HEATR3: variants seen among roughly 807,000 people sequenced by gnomAD.
HEATR3 encodes the protein HEAT repeat containing 3.
Under a neutral mutation model 72.8 loss-of-function variants are expected in HEATR3, and 56 were observed. The ratio of observed to expected loss-of-function variants is 0.77; its 90% CI spans 0.62 to 0.96. HEATR3 has a LOEUF of 0.96. Among genes scored for constraint, HEATR3 ranks in the 40% least tolerant of loss-of-function variants. The pLI, the probability that HEATR3 is intolerant of heterozygous loss-of-function variation, is 0.00. For synonymous variants in HEATR3, 331 were observed against 318.1 expected (o/e 1.04, Z -0.43); for missense variants, 747 against 831.4 (o/e 0.90, Z 1.25).
Position 50,068,886 on chromosome 16 carries a change from A to G in HEATR3, c.399+19A>G, listed in dbSNP as rs766885426. The G allele has an allele frequency of 6.3e-7, 1 of 1,577,510 alleles. No homozygotes were observed. Among genetic ancestry groups the G allele is most frequent in the Non-Finnish European group, 8.7e-7 (1 of 1,150,730 alleles). On this transcript the variant is annotated intron_variant, in intron 3 of 14. Coordinates refer to ENST00000299192, the MANE Select transcript of HEATR3 (RefSeq NM_182922.4). The stretch of plus-strand genomic sequence containing the variant: ...AAAAGAGGTATGCAGTTTTTACAGT[A>G]TCTTGATGGTAGCTTTTGGGATGCA...
At chr16:50,082,757 C>CAAA (rs60241022) in intron 7 of HEATR3, among the ~76,000 whole-genome samples, 1 of 72,982 alleles carries the variant, frequency 1.4e-5, no homozygotes, top group African/African-American at 3.6e-5. Context: ...CCCCATCTCT[C>CAAA]AAAAAAAAAA....
intron 13 of HEATR3, chr16:50,100,736 A>G (rs1400568320): frequency 4.1e-6 from 1 of 243,564 alleles, no homozygotes; most frequent in East Asian, 1.5e-4. Flanking sequence ...TGAACAATCC[A>G]CACCATTTTC....
intron 13 of HEATR3, among the ~76,000 whole-genome samples, chr16:50,101,826 C>T (rs1028983611): frequency 4.6e-5 from 7 of 152,196 alleles, no homozygotes; most frequent in African/African-American, 1.4e-4. Flanking sequence ...GCGACCCTCC[C>T]GCCTTAGCCT....
chr16:50,076,993 G>T (rs908754269), intron 6 of HEATR3, among the ~76,000 whole-genome samples: 34 of 147,772 alleles, frequency 2.3e-4, no homozygotes, highest in Admixed American at 6.1e-4. Flanking sequence ...TCAGCCTCCC[G>T]AGTAGCTGGG....
At position 50,066,361 on chromosome 16, in the gene HEATR3, C is replaced by G. The variant is rs771031053; in HGVS notation, c.139-6C>G. On this transcript the variant is annotated splice_polypyrimidine_tract_variant and splice_region_variant and intron_variant, in intron 1 of 14. Coordinates refer to ENST00000299192, the MANE Select transcript of HEATR3 (RefSeq NM_182922.4). ...GCCTTCTGACCCTTTTCGCTCTCATCCGCAGCTCCAGCACCCGAGCGCCGA... is the reference window on the plus strand; with the variant it reads ...GCCTTCTGACCCTTTTCGCTCTCATGCGCAGCTCCAGCACCCGAGCGCCGA... The G allele has an allele frequency of 2.1e-5, 33 of 1,554,848 alleles. No individual in the cohort carries two copies. The highest frequency in any genetic ancestry group is 2.7e-5 in the Non-Finnish European group (31 of 1,161,008).
intron 11 of HEATR3, among the ~76,000 whole-genome samples, chr16:50,094,305 G>A (rs1316653594): frequency 6.6e-6 from 1 of 152,226 alleles, no homozygotes; most frequent in African/African-American, 2.4e-5. Context: ...GGCTTGGGTT[G>A]GCAAGGAAGC....
At chr16:50,084,886 A>C (rs1284425058) in intron 10 of HEATR3, among the ~76,000 whole-genome samples, 2 of 152,176 alleles carry the variant, frequency 1.3e-5, no homozygotes, top group East Asian at 3.8e-4. Flanking sequence ...TCAGAGTTAG[A>C]ATGGTAAATA....
In HEATR3 at chr16:50,084,631, T is replaced by G. The variant is rs768544089; in HGVS notation, c.1353T>G (p.Thr451=). 2 of 1,608,476 alleles carry G rather than the reference T, an allele frequency of 1.2e-6. No homozygotes were observed. The highest frequency in any genetic ancestry group is 1.7e-6 in the Non-Finnish European group (2 of 1,176,182). Residue 451 remains threonine (T), a synonymous_variant, in exon 10 of 15, where the codon ACT becomes ACG. Transcript: ENST00000299192. ...IAVDLCSRNP[T]WKPLIRKMNT... is the part of the protein sequence containing the mutation. ...TTGACCTATGTTCTAGGAACCCTAC[T>G]TGGAAACCTTTGATTAGAAAGTAAG...
chr16:50,101,467 G>C (rs1014059802), intron 13 of HEATR3, among the ~76,000 whole-genome samples: 3 of 152,104 alleles, frequency 2.0e-5, no homozygotes, highest in Non-Finnish European at 4.4e-5. Context: ...TAATTTTACA[G>C]TTGCCTCAAA....
At chr16:50,072,951 A>G (rs1052531122) in intron 5 of HEATR3, 3 of 429,318 alleles carry the variant, frequency 7.0e-6, no homozygotes, top group African/African-American at 4.1e-5. Context: ...ATGTGAGGAT[A>G]TGTGGTTTCT....
chr16:50,096,229 G>T (rs2037231944), intron 12 of HEATR3, among the ~76,000 whole-genome samples: 1 of 149,186 alleles, frequency 6.7e-6, no homozygotes, highest in Admixed American at 6.8e-5. Context: ...GGAGGCTGTG[G>T]CAGGAGAATC....
intron 12 of HEATR3, among the ~76,000 whole-genome samples, chr16:50,099,786 A>G (rs2037325980): frequency 6.6e-6 from 1 of 152,244 alleles, no homozygotes; most frequent in Non-Finnish European, 1.5e-5. Flanking sequence ...GCACCATATA[A>G]TGTAATGGTT....
At chr16:50,067,956 AAG>A (rs1159920613) in intron 2 of HEATR3, among the ~76,000 whole-genome samples, 4 of 152,312 alleles carry the variant, frequency 2.6e-5, no homozygotes, top group East Asian at 3.9e-4. Context: ...AGGGTGCTAA[AAG>A]AGGGTACAAA....
Position 50,105,075 on chromosome 16 carries a change from G to C in HEATR3, c.*14G>C. On this transcript the variant is annotated 3_prime_UTR_variant, in exon 15 of 15. Coordinates refer to ENST00000299192, the MANE Select transcript of HEATR3 (RefSeq NM_182922.4). ...CTGACTTCTTAAACAATCCAAAAAA[G>C]AAACCAGTTCTTCCCCCAAAGTATT... 6.2e-7 allele frequency: 1 copy of C among 1,607,518 alleles called. No homozygotes were observed. Among genetic ancestry groups the C allele is most frequent in the Non-Finnish European group, 8.5e-7 (1 of 1,178,272 alleles).
Position 50,086,238 on chromosome 16 carries a change from C to A in HEATR3, c.1397C>A (p.Ala466Asp). 6.3e-7 allele frequency: 1 copy of A among 1,579,304 alleles called. No homozygotes were observed. The highest frequency in any genetic ancestry group is 8.6e-7 in the Non-Finnish European group (1 of 1,160,962). Residue 466 changes from alanine (A) to aspartate (D), a missense_variant, in exon 11 of 15, where the codon GCC (alanine) becomes GAC (aspartate). Around this residue, in one of 2 missense-constraint regions of HEATR3, gnomAD observed 586 missense variants for 708.8 expected, o/e 0.83. Transcript: ENST00000299192. Reference protein sequence around the residue: ...IRKMNTIQCRALFCLQSLVSL... With the variant: ...IRKMNTIQCRDLFCLQSLVSL... ...AGAATGAACACTATTCAGTGCAGAG[C>A]CCTCTTCTGTCTCCAGAGTCTTGTG...
chr16:50,098,766 T>C (rs935493086), intron 12 of HEATR3, among the ~76,000 whole-genome samples: 4 of 151,980 alleles, frequency 2.6e-5, no homozygotes, highest in African/African-American at 9.7e-5. Flanking sequence ...TACTTTGTAG[T>C]AGTGACATTA....
intron 12 of HEATR3, among the ~76,000 whole-genome samples, chr16:50,097,001 GT>G (rs941356672): frequency 6.6e-6 from 1 of 152,030 alleles, no homozygotes; most frequent in African/African-American, 2.4e-5. Flanking sequence ...GCATTCCTCT[GT>G]CCCCCATGTT....
intron 5 of HEATR3, chr16:50,074,183 T>C (rs548702713): frequency 6.6e-6 from 1 of 152,352 alleles, no homozygotes; most frequent in Non-Finnish European, 1.5e-5. Context: ...AATTTGCTCA[T>C]ACTTTTATAT....
At chr16:50,083,361 A>G (rs947578893) in intron 7 of HEATR3, among the ~76,000 whole-genome samples, 25 of 152,194 alleles carry the variant, frequency 1.6e-4, no homozygotes, top group African/African-American at 6.0e-4. Context: ...AGAGAAAAAA[A>G]AAGCTTCCTT....
Sources: allele counts gnomAD v4.1 joint callset (sites outside exome capture counted in the v4.1 genomes callset), GRCh38; gene constraint gnomAD v4.1.1; regional missense constraint gnomAD v4.1.1; transcripts MANE v1.5; gene names NCBI Gene and HGNC (gene_info 2026-07-23, HGNC 2026-07-21).